MBTD1: variants seen among roughly 807,000 people sequenced by gnomAD.
MBTD1 encodes the protein mbt domain containing 1.
Under a neutral mutation model 87.8 loss-of-function variants are expected in MBTD1, and 24 were observed. That is an observed-to-expected ratio of 0.27 (90% CI 0.20 to 0.38). The LOEUF is 0.38. Among genes scored for constraint, MBTD1 ranks in the 10% least tolerant of loss-of-function variants. MBTD1 has a pLI of 1.00. For missense variants in MBTD1, 436 were observed against 760.2 expected, an observed-to-expected ratio of 0.57 and a Z score of 5.02; for synonymous variants, 237 against 248.6, an observed-to-expected ratio of 0.95 and a Z score of 0.44.
intron 2 of MBTD1, among the ~76,000 whole-genome samples, chr17:51,234,991 C>T (rs575296420): frequency 4.6e-5 from 7 of 152,060 alleles, no homozygotes; most frequent in Admixed American, 2.0e-4. Flanking sequence ...CCACCACGCC[C>T]GGCCTATATA....
intron 2 of MBTD1, among the ~76,000 whole-genome samples, chr17:51,237,679 T>C (rs2053928820): frequency 6.6e-6 from 1 of 152,194 alleles, no homozygotes; most frequent in Non-Finnish European, 1.5e-5. Flanking sequence ...ACAGTCAGTG[T>C]GGCAAATGGA....
At chr17:51,213,115 T>C (rs2052352515) in intron 6 of MBTD1, among the ~76,000 whole-genome samples, 1 of 152,202 alleles carries the variant, frequency 6.6e-6, no homozygotes, top group African/African-American at 2.4e-5. Context: ...CAGGGCTAAC[T>C]GCAGCCCTGA....
At chr17:51,190,945 G>T (rs943052871) in intron 16 of MBTD1, among the ~76,000 whole-genome samples, 2 of 151,510 alleles carry the variant, frequency 1.3e-5, no homozygotes, top group African/African-American at 4.9e-5. Context: ...AGCTGGGTGT[G>T]TGGCAACACA....
chr17:51,248,588 T>C (rs1345678396), intron 2 of MBTD1, among the ~76,000 whole-genome samples: 1 of 152,250 alleles, frequency 6.6e-6, no homozygotes, highest in South Asian at 2.1e-4. Flanking sequence ...AAATTTTGTA[T>C]ATATTTAAGA....
rs755496192 is a variant in MBTD1 at position 51,195,376 on chromosome 17, G to T, written c.1225-15C>A. The T allele has an allele frequency of 6.4e-7, 1 of 1,566,736 alleles. No homozygotes were observed. Among genetic ancestry groups the T allele is most frequent in the Non-Finnish European group, 8.6e-7 (1 of 1,156,520 alleles). On this transcript the variant is annotated splice_polypyrimidine_tract_variant and intron_variant, in intron 12 of 16. Transcript: ENST00000586178. ...TCAGCTAGCACCTTTTCAATGAAGA[G>T]AATTCTAAGTACTTGAAATTAGATA...
At position 51,260,047 on chromosome 17, in the gene MBTD1, A is replaced by G. The variant is rs2055386546; in HGVS notation, c.-325T>C. On this transcript the variant is annotated 5_prime_UTR_variant, in exon 1 of 17. It removes an upstream start codon present in the reference 5' UTR. Coordinates refer to ENST00000586178, the MANE Select transcript of MBTD1 (RefSeq NM_017643.3). ...CGGGTGGCCCCAGGATATCAACAAC[A>G]TTAGCATAGCCCTCCCTCCCCAGCG... 2.5e-6 allele frequency: 1 copy of G among 407,332 alleles called. No individual in the cohort carries two copies. Among genetic ancestry groups the G allele is most frequent in the Non-Finnish European group, 4.2e-6 (1 of 236,784 alleles). 25.2% of individuals were successfully genotyped at this position (407,332 alleles called of 1,614,324 possible).
intron 1 of MBTD1, 23 bp from the exon 2 acceptor site, chr17:51,259,229 T>C (rs908273633): frequency 1.6e-6 from 2 of 1,229,824 alleles, no homozygotes; most frequent in Middle Eastern, 3.1e-4. Flanking sequence ...GATTCTTATT[T>C]CACAAAGGAG....
chr17:51,218,744 A>AT (rs1415059568), intron 5 of MBTD1, among the ~76,000 whole-genome samples, 186 bp downstream of exon 5: 1 of 152,174 alleles, frequency 6.6e-6, no homozygotes, highest in East Asian at 1.9e-4. Flanking sequence ...GAACTTATGC[A>AT]TGCAACTATA....
upstream of MBTD1, chr17:51,260,729 A>AT: frequency 6.3e-7 from 1 of 1,593,158 alleles, no homozygotes; most frequent in Non-Finnish European, 8.5e-7. Context: ...ATCCCAGCGG[A>AT]AACCGCCGGC....
chr17:51,183,717 T>A (rs535712770), intron 16 of MBTD1: 1 of 152,230 alleles, frequency 6.6e-6, no homozygotes, highest in African/African-American at 2.4e-5. Flanking sequence ...TTATGAGGAA[T>A]GATATCAAAT....
chr17:51,189,858 T>C (rs1204103813), intron 16 of MBTD1, among the ~76,000 whole-genome samples: 1 of 152,198 alleles, frequency 6.6e-6, no homozygotes, highest in Non-Finnish European at 1.5e-5. Flanking sequence ...GAGAACTCCC[T>C]TTCATCAGGC....
At chr17:51,196,491 C>A (rs556822709) in intron 12 of MBTD1, among the ~76,000 whole-genome samples, 5 of 152,142 alleles carry the variant, frequency 3.3e-5, no homozygotes, top group East Asian at 1.9e-4. Context: ...GGCTGCCCCC[C>A]CTTTTTAAAA....
At chr17:51,204,458 TA>T (rs1290530379) in intron 7 of MBTD1, among the ~76,000 whole-genome samples, 1 of 143,920 alleles carries the variant, frequency 6.9e-6, no homozygotes, top group Non-Finnish European at 1.5e-5. Flanking sequence ...TATAAACATA[TA>T]AAAATACATA....
chr17:51,260,507 G>C (rs931699419), upstream of MBTD1: 1 of 1,458,494 alleles, frequency 6.9e-7, no homozygotes, highest in Non-Finnish European at 9.1e-7. Flanking sequence ...GGCTTCGGCG[G>C]CGGCGGCCCG....
intron 12 of MBTD1, among the ~76,000 whole-genome samples, chr17:51,200,604 C>CT (rs2051416543): frequency 6.7e-6 from 1 of 149,700 alleles, no homozygotes; most frequent in African/African-American, 2.5e-5. Context: ...TGGCTCATGC[C>CT]TGTAATCCCA....
intron 12 of MBTD1, among the ~76,000 whole-genome samples, chr17:51,199,579 C>CTACA (rs2051339721): frequency 6.6e-6 from 1 of 151,452 alleles, no homozygotes; most frequent in African/African-American, 2.4e-5. Flanking sequence ...GTAGCTGGGA[C>CTACA]TACAGGCACC....
chr17:51,227,394 C>A (rs970920543), intron 2 of MBTD1, among the ~76,000 whole-genome samples: 11 of 152,030 alleles, frequency 7.2e-5, no homozygotes, highest in Non-Finnish European at 8.8e-5. Flanking sequence ...AACTCCATCT[C>A]TACAAAAAAT....
chr17:51,221,268 C>T (rs564117547), intron 3 of MBTD1, among the ~76,000 whole-genome samples: 6 of 152,192 alleles, frequency 3.9e-5, no homozygotes, highest in Non-Finnish European at 7.4e-5. Context: ...ACTGCACTCT[C>T]GCCTGGACAA....
At position 51,179,680 on chromosome 17, in the gene MBTD1, ATC is replaced by A. The variant is rs1239028835; in HGVS notation, c.*894_*895del. ...CAATTCGATTCTCCTAATACAGAAC[ATC>A]TGTTTTTGGTTGTGGTTATACGAAG... On this transcript the variant is annotated 3_prime_UTR_variant, in exon 17 of 17. Transcript: ENST00000586178. 2 of 151,374 alleles carry A rather than the reference ATC, an allele frequency of 1.3e-5. No homozygotes were observed. The highest frequency in any genetic ancestry group is 2.4e-5 in the African/African-American group (1 of 41,210). 9.4% of individuals were successfully genotyped at this position (151,374 alleles called of 1,614,324 possible).
Sources: gnomAD v4.1 joint callset for allele counts (sites outside exome capture counted in the v4.1 genomes callset) on GRCh38, gnomAD v4.1.1 for gene constraint, MANE v1.5 for transcripts, NCBI Gene and HGNC (gene_info 2026-07-23, HGNC 2026-07-21) for gene names.